DAB2IP: variants seen among roughly 807,000 people sequenced by gnomAD.
The protein encoded by DAB2IP is DAB2 interacting protein.
DAB2IP carries 28 observed loss-of-function variants against 107.2 expected under a neutral mutation model. That is an observed-to-expected ratio of 0.26 (90% CI 0.19 to 0.36). DAB2IP has a LOEUF of 0.36. DAB2IP is among the 10% of genes least tolerant of loss of function. The pLI is 1.00. For synonymous variants in DAB2IP, 755 were observed against 706.4 expected (o/e 1.07, Z -1.09); for missense variants, 1,400 against 1,644.7 (o/e 0.85, Z 2.57).
At chr9:121,728,227 A>C (rs1831341889) in intron 3 of DAB2IP, among the ~76,000 whole-genome samples, 1 of 151,984 alleles carries the variant, frequency 6.6e-6, no homozygotes, top group African/African-American at 2.4e-5. Context: ...TCTGAATCTC[A>C]GTTTCTTCAA....
chr9:121,747,363 CCT>C (rs1259402579), intron 3 of DAB2IP, among the ~76,000 whole-genome samples: 3 of 138,174 alleles, frequency 2.2e-5, no homozygotes, highest in Admixed American at 6.8e-5. Flanking sequence ...TTTTTTTTCC[CCT>C]GAGACAGAGT....
At chr9:121,586,044 C>T (rs1032308562) in intron 1 of DAB2IP, among the ~76,000 whole-genome samples, 3 of 152,102 alleles carry the variant, frequency 2.0e-5, no homozygotes, top group Non-Finnish European at 4.4e-5. Flanking sequence ...TAGAGGTAGG[C>T]TACCATTTCG....
chr9:121,783,586 C>CTTA, exon 16 of DAB2IP: 1 of 1,612,592 alleles, frequency 6.2e-7, no homozygotes, highest in African/African-American at 1.3e-5. Flanking sequence ...ACACAGGGGC[C>CTTA]TTTTAAGTTG....
rs1287331340 is a variant in DAB2IP at position 121,736,764 on chromosome 9, C to A, written c.363-20249C>A. Reference sequence around the variant, plus strand: ...CTCAGACCAGCTTGAAAAATGCATTCATTCATTCAGTACATCTGTCGAGTG... The same window carrying A: ...CTCAGACCAGCTTGAAAAATGCATTAATTCATTCAGTACATCTGTCGAGTG... On this transcript the variant is annotated intron_variant, in intron 3 of 15. Transcript: ENST00000408936. This position sits in a 1 kb window ranked among gnomAD's most constrained non-coding sequence, Gnocchi z 4.6. 6.6e-6 allele frequency among the ~76,000 whole-genome samples: 1 copy of A among 152,244 alleles called. No homozygotes were observed. The highest frequency in any genetic ancestry group is 2.1e-4 in the South Asian group (1 of 4,838).
chr9:121,783,973 C>T (rs1473060260), exon 16 of DAB2IP: 1 of 229,648 alleles, frequency 4.4e-6, no homozygotes, highest in African/African-American at 2.2e-5. Context: ...CTGCAGGAAT[C>T]ACCCCTCTGC....
intron 1 of DAB2IP, among the ~76,000 whole-genome samples, chr9:121,589,906 C>T (rs950667525): frequency 3.5e-5 from 5 of 143,648 alleles, no homozygotes; most frequent in African/African-American, 1.3e-4. Flanking sequence ...CCTCCTTCTG[C>T]CCAGTCCTGC....
At chr9:121,648,506 A>T (rs1412954499), upstream of DAB2IP, among the ~76,000 whole-genome samples, 1 of 151,818 alleles carries the variant, frequency 6.6e-6, no homozygotes, top group African/African-American at 2.4e-5. Context: ...TCGCCTTGGG[A>T]GGCTTTTGAG....
At chr9:121,607,938 T>C (rs557694327) in intron 1 of DAB2IP, among the ~76,000 whole-genome samples, 1 of 152,290 alleles carries the variant, frequency 6.6e-6, no homozygotes, top group South Asian at 2.1e-4. Context: ...GAAGACATAA[T>C]GGAAGCAGGC....
At chr9:121,728,714 T>C (rs1490734920) in intron 3 of DAB2IP, among the ~76,000 whole-genome samples, 1 of 151,958 alleles carries the variant, frequency 6.6e-6, no homozygotes, top group East Asian at 1.9e-4. Flanking sequence ...GCAGGTGGGC[T>C]GGGCAGGGGC....
Position 121,782,346 on chromosome 9 carries a change from T to A in DAB2IP, c.3418T>A (p.Ser1140Thr), listed in dbSNP as rs1441983592. The A allele has an allele frequency of 6.2e-7, 1 of 1,613,764 alleles. No individual in the cohort carries two copies. The highest frequency in any genetic ancestry group is 8.5e-7 in the Non-Finnish European group (1 of 1,179,850). ...TTGTCCACAGGAGAAGCGCATTGCC[T>A]CGTTGGATGCCGCCAATGCCCGCCT... Residue 1140 changes from serine (S) to threonine (T), a missense_variant, in exon 16 of 16, where the codon TCG (serine) becomes ACG (threonine). Ser to Thr is a moderately conservative substitution (Grantham distance 58, BLOSUM62 1). This residue lies in a region of DAB2IP where 600 missense variants were observed against 659.1 expected (regional missense o/e 0.91). Transcript: ENST00000408936. This position sits in a 1 kb window ranked among gnomAD's most constrained non-coding sequence, Gnocchi z 6.1.
At chr9:121,761,080 T>G (rs1306975656) in intron 6 of DAB2IP, among the ~76,000 whole-genome samples, 2 of 152,180 alleles carry the variant, frequency 1.3e-5, no homozygotes, top group Non-Finnish European at 1.5e-5. Context: ...CATGACCCCT[T>G]TCACCTTCCG....
intron 3 of DAB2IP, among the ~76,000 whole-genome samples, chr9:121,729,252 T>TC (rs1227855374): frequency 6.6e-6 from 1 of 152,186 alleles, no homozygotes; most frequent in East Asian, 1.9e-4. Flanking sequence ...ACAGGCTCTT[T>TC]CCACTGGCTA....
At chr9:121,735,782 G>A (rs1477625608) in intron 3 of DAB2IP, among the ~76,000 whole-genome samples, 3 of 152,204 alleles carry the variant, frequency 2.0e-5, no homozygotes, top group Admixed American at 6.5e-5. Flanking sequence ...GGGAAAAAGG[G>A]TGACCCCAGG....
chr9:121,632,298 C>T (rs1831923426), intron 1 of DAB2IP, among the ~76,000 whole-genome samples: 1 of 152,218 alleles, frequency 6.6e-6, no homozygotes, highest in East Asian at 1.9e-4. Context: ...AGCACAGTTC[C>T]TGGCACAGAG....
At chr9:121,777,521 A>G (rs1020172592) in intron 14 of DAB2IP, among the ~76,000 whole-genome samples, 5 of 152,250 alleles carry the variant, frequency 3.3e-5, no homozygotes, top group African/African-American at 1.2e-4. Flanking sequence ...CATTGTGTGT[A>G]TTCTCTGATA....
intron 3 of DAB2IP, among the ~76,000 whole-genome samples, chr9:121,719,659 G>A (rs1170324647): frequency 6.6e-6 from 1 of 152,162 alleles, no homozygotes; most frequent in Non-Finnish European, 1.5e-5. Flanking sequence ...GGGAGGGAGG[G>A]CCCAAGGATA....
At chr9:121,645,485 T>C (rs544047655) in intron 1 of DAB2IP, among the ~76,000 whole-genome samples, 22 of 152,246 alleles carry the variant, frequency 1.4e-4, no homozygotes, top group African/African-American at 4.6e-4. Context: ...GCGGCTGTAT[T>C]TGGGTTCCAA....
At chr9:121,601,945 A>G (rs1830697047) in intron 1 of DAB2IP, among the ~76,000 whole-genome samples, 1 of 151,822 alleles carries the variant, frequency 6.6e-6, no homozygotes, top group South Asian at 2.1e-4. Context: ...GTGTGCCAGC[A>G]ATGCTTTTAT....
intron 1 of DAB2IP, among the ~76,000 whole-genome samples, chr9:121,575,896 G>A (rs1457744893): frequency 1.3e-5 from 2 of 152,142 alleles, no homozygotes. Flanking sequence ...CCAAGGTGTA[G>A]GGAGACCCAA....
Sources: gnomAD v4.1 joint callset for allele counts (sites outside exome capture counted in the v4.1 genomes callset) on GRCh38, gnomAD v4.1.1 for gene constraint, gnomAD v4.1.1 regional missense constraint, Gnocchi (gnomAD v3.1) non-coding constraint, MANE v1.5 for transcripts, NCBI Gene and HGNC (gene_info 2026-07-23, HGNC 2026-07-21) for gene names.